Variants in KIF16B observed in about 807,000 individuals in gnomAD.
The protein encoded by KIF16B is kinesin-like protein KIF16B.
KIF16B carries 98 observed loss-of-function variants against 156.3 expected under a neutral mutation model. The ratio of observed to expected loss-of-function variants is 0.63; its 90% CI spans 0.53 to 0.74. KIF16B has a LOEUF of 0.74. KIF16B is among the 30% of genes least tolerant of loss of function. The pLI is 0.00. For missense variants in KIF16B, 1,421 were observed against 1,606.5 expected, an observed-to-expected ratio of 0.88 and a Z score of 1.97; for synonymous variants, 564 against 583.7, an observed-to-expected ratio of 0.97 and a Z score of 0.49.
chr20:16,293,926 G>C (rs528508822), intron 25 of KIF16B, among the ~76,000 whole-genome samples: 10 of 152,206 alleles, frequency 6.6e-5, no homozygotes, highest in African/African-American at 2.4e-4. Flanking sequence ...GGGGCTGCGG[G>C]GGGTGCATGC....
At chr20:16,442,418 A>G (rs369793594) in intron 12 of KIF16B, among the ~76,000 whole-genome samples, 1 of 133,496 alleles carries the variant, frequency 7.5e-6, no homozygotes, top group Admixed American at 7.5e-5. Context: ...ATACATACAT[A>G]TTATATATAT....
At chr20:16,312,775 C>CT (rs11087165) in intron 24 of KIF16B, among the ~76,000 whole-genome samples, 19,079 of 145,364 alleles carry the variant, frequency 0.13, 1,328 homozygotes, top group African/African-American at 0.19. Context: ...TCCTCCCACC[C>CT]TTTTTTTTTT....
chr20:16,293,540 G>C (rs2063341577), intron 25 of KIF16B, among the ~76,000 whole-genome samples: 1 of 152,154 alleles, frequency 6.6e-6, no homozygotes, highest in South Asian at 2.1e-4. Context: ...AGCTACTAGA[G>C]AGGTGTTTCA....
At chr20:16,434,460 T>C (rs908032059) in intron 12 of KIF16B, among the ~76,000 whole-genome samples, 1 of 152,018 alleles carries the variant, frequency 6.6e-6, no homozygotes, top group African/African-American at 2.4e-5. Context: ...CTTTCTTGAA[T>C]AGATAACCGA....
At chr20:16,497,972 T>C (rs1052234840) in intron 10 of KIF16B, among the ~76,000 whole-genome samples, 2 of 152,180 alleles carry the variant, frequency 1.3e-5, no homozygotes, top group African/African-American at 4.8e-5. Context: ...TCTAAATCCC[T>C]AGATCTTAAG....
intron 17 of KIF16B, among the ~76,000 whole-genome samples, chr20:16,389,099 T>C (rs933131901): frequency 6.6e-6 from 1 of 152,150 alleles, no homozygotes; most frequent in Non-Finnish European, 1.5e-5. Context: ...ATTACTCTAT[T>C]ATCTCAGTGG....
intron 12 of KIF16B, among the ~76,000 whole-genome samples, chr20:16,440,762 A>G (rs2066777607): frequency 6.6e-6 from 1 of 151,828 alleles, no homozygotes; most frequent in Non-Finnish European, 1.5e-5. Flanking sequence ...ATGAACAGAA[A>G]CTCTTGGGGC....
chr20:16,453,961 C>T (rs1226591542), intron 12 of KIF16B, among the ~76,000 whole-genome samples: 3 of 152,174 alleles, frequency 2.0e-5, no homozygotes, highest in South Asian at 2.1e-4. Flanking sequence ...GTACAGATGA[C>T]GTGCACACAC....
At chr20:16,554,246 T>C (rs180926610) in intron 1 of KIF16B, among the ~76,000 whole-genome samples, 1 of 152,156 alleles carries the variant, frequency 6.6e-6, no homozygotes, top group East Asian at 1.9e-4. Context: ...TGGACCAATC[T>C]GCACATATTT....
chr20:16,373,146 C>A (rs987557969), intron 20 of KIF16B, among the ~76,000 whole-genome samples: 1 of 151,958 alleles, frequency 6.6e-6, no homozygotes, highest in Non-Finnish European at 1.5e-5. Flanking sequence ...AAATGCTAGG[C>A]AAAGAGATTA....
At chr20:16,547,981 G>A (rs942684830) in intron 1 of KIF16B, among the ~76,000 whole-genome samples, 1 of 152,090 alleles carries the variant, frequency 6.6e-6, no homozygotes, top group Non-Finnish European at 1.5e-5. Flanking sequence ...AGAGGGAAGC[G>A]AGTGTCAGCT....
chr20:16,573,104 G>T (rs565476241), intron 1 of KIF16B, 125 bp downstream of exon 1: 10 of 898,880 alleles, frequency 1.1e-5, no homozygotes, highest in Middle Eastern at 5.3e-4. Flanking sequence ...CCACAGCCTG[G>T]GCCCGGTGGG....
At chr20:16,521,636 C>T (rs181193796) in intron 3 of KIF16B, among the ~76,000 whole-genome samples, 1 of 152,214 alleles carries the variant, frequency 6.6e-6, no homozygotes, top group African/African-American at 2.4e-5. Context: ...CCTAGCAAGA[C>T]AGGCCAACAT....
chr20:16,463,108 A>T (rs1335093475), intron 12 of KIF16B, among the ~76,000 whole-genome samples: 1 of 152,088 alleles, frequency 6.6e-6, no homozygotes, highest in Non-Finnish European at 1.5e-5. Flanking sequence ...CCTCAAGCTC[A>T]TCTATAAAAC....
At chr20:16,348,175 T>C (rs1439590472) in intron 23 of KIF16B, among the ~76,000 whole-genome samples, 2 of 152,192 alleles carry the variant, frequency 1.3e-5, no homozygotes, top group African/African-American at 4.8e-5. Flanking sequence ...AACAGTAGAT[T>C]TTGAAAACAG....
intron 6 of KIF16B, among the ~76,000 whole-genome samples, chr20:16,509,047 A>G (rs2068876968): frequency 6.6e-6 from 1 of 152,174 alleles, no homozygotes; most frequent in Admixed American, 6.5e-5. Flanking sequence ...AAGCAATCAT[A>G]TTTATATATA....
intron 24 of KIF16B, among the ~76,000 whole-genome samples, chr20:16,320,091 T>C (rs1316563797): frequency 6.6e-6 from 1 of 152,078 alleles, no homozygotes; most frequent in Non-Finnish European, 1.5e-5. Context: ...CTGAAATAAC[T>C]GTAAGCCTCA....
chr20:16,524,859 A>C (rs529314868), intron 3 of KIF16B, among the ~76,000 whole-genome samples: 1 of 152,350 alleles, frequency 6.6e-6, no homozygotes, highest in Non-Finnish European at 1.5e-5. Flanking sequence ...AAAAAGGATG[A>C]GTTGATGTCC....
chr20:16,380,891 A>C (rs2065077886), intron 18 of KIF16B, among the ~76,000 whole-genome samples: 2 of 152,176 alleles, frequency 1.3e-5, no homozygotes, highest in Admixed American at 1.3e-4. Flanking sequence ...AAGAACACAG[A>C]GTTAGAGCAG....
Sources: allele counts gnomAD v4.1 joint callset (sites outside exome capture counted in the v4.1 genomes callset), GRCh38; gene constraint gnomAD v4.1.1; transcripts MANE v1.5; gene names NCBI Gene and HGNC (gene_info 2026-07-23, HGNC 2026-07-21).